SMARCC1: variants seen among roughly 807,000 people sequenced by gnomAD.
The protein encoded by SMARCC1 is SWI/SNF complex subunit SMARCC1.
Under a neutral mutation model 147.4 loss-of-function variants are expected in SMARCC1, and 43 were observed. The ratio of observed to expected loss-of-function variants is 0.29; its 90% CI spans 0.23 to 0.38. SMARCC1 has a LOEUF of 0.38. Among genes scored for constraint, SMARCC1 ranks in the 10% least tolerant of loss-of-function variants. The pLI, the probability that SMARCC1 is intolerant of heterozygous loss-of-function variation, is 1.00. For synonymous variants in SMARCC1, 495 were observed against 484.4 expected (o/e 1.02, Z -0.29); for missense variants, 1,119 against 1,381.1 (o/e 0.81, Z 3.01).
intron 1 of SMARCC1, among the ~76,000 whole-genome samples, chr3:47,778,998 G>GT (rs1264466455): frequency 7.6e-6 from 1 of 131,178 alleles, no homozygotes; most frequent in African/African-American, 2.9e-5. Context: ...AAAAAAAAAA[G>GT]AAAATTCCTA....
intron 3 of SMARCC1, among the ~76,000 whole-genome samples, chr3:47,740,089 C>T (rs1355809480): frequency 1.3e-5 from 2 of 148,490 alleles, no homozygotes; most frequent in East Asian, 2.0e-4. Context: ...AGGCTGGACT[C>T]GAACTCCTGA....
intron 15 of SMARCC1, chr3:47,680,130 G>A (rs1031637732): frequency 1.6e-4 from 39 of 250,176 alleles, no homozygotes; most frequent in African/African-American, 9.1e-4. Context: ...GCAGAGATGG[G>A]AGGATCCTTT....
rs775759680 is a variant in SMARCC1, at chr3:47,671,173, C to CAAAAAAAAAAA, written c.1840-467_1840-457dup. Among the ~76,000 whole-genome samples the CAAAAAAAAAAA allele has an allele frequency of 5.1e-3, 148 of 29,230 alleles. 32 individuals carry two copies. Among genetic ancestry groups the CAAAAAAAAAAA allele is most frequent in the Non-Finnish European group, 6.2e-3 (112 of 18,016 alleles). The allele number at this position is 29,230 out of a possible 152,430, so 19.2% of individuals were successfully genotyped here. A position where few individuals can be genotyped will look rare whatever the true frequency, so the allele number is the denominator to read the frequency against. On this transcript the variant is annotated intron_variant, in intron 18 of 27. Transcript: ENST00000254480. Reference sequence around the variant, plus strand: ...CCTGGGCAACAGAGCGAGACTATCTCAAAAAAAAAAAAAAAAAAAAAAAAA... The same window carrying CAAAAAAAAAAA: ...CCTGGGCAACAGAGCGAGACTATCTCAAAAAAAAAAAAAAAAAAAAAAAAAAAAAAAAAAAA...
intron 20 of SMARCC1, 81 bp from the exon 21 acceptor site, chr3:47,661,536 C>T: frequency 8.9e-7 from 1 of 1,127,578 alleles, no homozygotes; most frequent in East Asian, 2.3e-5. Flanking sequence ...CCAGGAAACC[C>T]AACACAGTAT....
At chr3:47,717,483 C>A (rs1020732119) in intron 7 of SMARCC1, among the ~76,000 whole-genome samples, 4 of 152,204 alleles carry the variant, frequency 2.6e-5, no homozygotes, top group Non-Finnish European at 5.9e-5. Flanking sequence ...CTAATCCCAA[C>A]AGGTAGATTT....
chr3:47,769,547 T>C (rs1437648287), intron 2 of SMARCC1, among the ~76,000 whole-genome samples: 1 of 151,958 alleles, frequency 6.6e-6, no homozygotes, highest in Non-Finnish European at 1.5e-5. Context: ...CTTTTATGTG[T>C]TGCCACCACT....
intron 24 of SMARCC1, 149 bp downstream of exon 24, chr3:47,635,041 C>T (rs2032949997): frequency 1.5e-6 from 1 of 668,490 alleles, no homozygotes; most frequent in Non-Finnish European, 2.6e-6. Context: ...CTCCTCCTGC[C>T]TGTGGATTTC....
In SMARCC1 at chr3:47,738,037, A is replaced by G. The variant is rs1472524099; in HGVS notation, c.475T>C (p.Leu159=). The G allele has an allele frequency of 1.7e-5, 27 of 1,596,378 alleles. No homozygotes were observed. The highest frequency in any genetic ancestry group is 2.0e-5 in the Non-Finnish European group (24 of 1,171,556). Residue 159 remains leucine (L), a synonymous_variant, in exon 4 of 28, where the codon TTG becomes CTG. Transcript: ENST00000254480. ...VEMFMNIEKT[L]VQNNCLTRPN... is the part of the protein sequence containing the mutation. ...CTAAGTTTCCAAGTTACCTGCACCA[A>G]TGTTTTTTCAATGTTCATAAACATT...
chr3:47,632,591 C>T (rs993248357), intron 24 of SMARCC1, among the ~76,000 whole-genome samples: 2 of 152,094 alleles, frequency 1.3e-5, no homozygotes, highest in Non-Finnish European at 2.9e-5. Flanking sequence ...GTGGGCAAAT[C>T]TCTTGAGCCC....
intron 24 of SMARCC1, among the ~76,000 whole-genome samples, chr3:47,630,809 T>C (rs1342583200): frequency 6.6e-6 from 1 of 152,132 alleles, no homozygotes; most frequent in Non-Finnish European, 1.5e-5. Flanking sequence ...ACACCGGTAA[T>C]CCCAGGACAT....
At chr3:47,596,576 A>T (rs7647449) in intron 26 of SMARCC1, among the ~76,000 whole-genome samples, 2,563 of 151,630 alleles carry the variant, frequency 0.017, 37 homozygotes, top group African/African-American at 0.044. Flanking sequence ...CAAAAAAAAA[A>T]AAATAAATAA....
At chr3:47,690,233 C>A (rs192518804) in intron 12 of SMARCC1, among the ~76,000 whole-genome samples, 1 of 152,028 alleles carries the variant, frequency 6.6e-6, no homozygotes, top group African/African-American at 2.4e-5. Context: ...TGGGTGCAGT[C>A]GCTCACACCT....
Position 47,597,947 on chromosome 3 carries a change from T to C in SMARCC1, c.3044-7110A>G, listed in dbSNP as rs575537627. 8.5e-5 allele frequency among the ~76,000 whole-genome samples: 13 copies of C among 152,310 alleles called. No individual in the cohort carries two copies. The East Asian group carries it at 2.5e-3, about 29-fold the overall frequency. ...AACAGATGTAGGCTGGGCAGCCATA[T>C]AGTGAAATACAGAGGTATCGGTGAA... is the stretch of plus-strand genomic sequence containing the variant. On this transcript the variant is annotated intron_variant, in intron 26 of 27. Transcript: ENST00000254480.
At position 47,779,039 on chromosome 3, in the gene SMARCC1, A is replaced by C. The variant is rs60292926; in HGVS notation, c.195+2564T>G. Among the ~76,000 whole-genome samples the C allele has an allele frequency of 2.0e-3, 301 of 150,974 alleles. 1 individual carries two copies. Among genetic ancestry groups the C allele is most frequent in the African/African-American group, 7.0e-3 (288 of 41,132 alleles). The stretch of plus-strand genomic sequence containing the variant: ...AGTCTCAGGTATCTTCCATTTGAAA[A>C]AGAAGGTAAATAATATCTATCATTT... On this transcript the variant is annotated intron_variant, in intron 1 of 27. Coordinates refer to ENST00000254480, the MANE Select transcript of SMARCC1 (RefSeq NM_003074.4).
rs532200868 is a variant in SMARCC1 at position 47,745,969 on chromosome 3, C to T, written c.340G>A (p.Ala114Thr). 1.8e-4 allele frequency: 291 copies of T among 1,583,842 alleles called. 5 individuals carry two copies. In the South Asian group the frequency reaches 3.4e-3, roughly 18 times the overall value. ...AGAATGTGACATAAGGCGCCTCCAG[C>T]TTTGAAATCCATGAAACACTTTGCC... ...LPAKCFMDFK[A>T]GGALCHILGA... Residue 114 changes from alanine (A) to threonine (T), a missense_variant, in exon 3 of 28, where the codon GCT (alanine) becomes ACT (threonine). Around this residue, in one of 6 missense-constraint regions of SMARCC1, gnomAD observed 542 missense variants for 611.8 expected, o/e 0.89. Transcript: ENST00000254480.
chr3:47,635,796 T>TA (rs1350145580), intron 23 of SMARCC1, among the ~76,000 whole-genome samples: 1 of 152,224 alleles, frequency 6.6e-6, no homozygotes, highest in Non-Finnish European at 1.5e-5. Flanking sequence ...GTGACTTCAA[T>TA]ACTGTTGAAT....
chr3:47,600,353 A>C lies in SMARCC1; in HGVS notation c.3044-9516T>G, dbSNP rs2032363525. ...TCTGTCAGATGCTAAGCAACTCAGC[A>C]CTGGTGTACCTGGGGCAGTGGGTTT... On this transcript the variant is annotated intron_variant, in intron 26 of 27. Coordinates refer to ENST00000254480, the MANE Select transcript of SMARCC1 (RefSeq NM_003074.4). 3.3e-5 allele frequency among the ~76,000 whole-genome samples: 5 copies of C among 152,200 alleles called. No individual in the cohort carries two copies. In the South Asian group the frequency reaches 1.0e-3, roughly 31 times the overall value.
At chr3:47,731,855 T>C (rs1411621113) in intron 5 of SMARCC1, among the ~76,000 whole-genome samples, 3 of 152,210 alleles carry the variant, frequency 2.0e-5, no homozygotes, top group Admixed American at 2.0e-4. Context: ...AAAATAGATG[T>C]ACAATAATCT....
At chr3:47,650,087 T>C (rs1252763606) in intron 21 of SMARCC1, among the ~76,000 whole-genome samples, 1 of 151,448 alleles carries the variant, frequency 6.6e-6, no homozygotes, top group Non-Finnish European at 1.5e-5. Context: ...TCATCCTGGC[T>C]AACACGGTGA....
Sources: allele counts gnomAD v4.1 joint callset (sites outside exome capture counted in the v4.1 genomes callset), GRCh38; gene constraint gnomAD v4.1.1; regional missense constraint gnomAD v4.1.1; transcripts MANE v1.5; gene names NCBI Gene and HGNC (gene_info 2026-07-23, HGNC 2026-07-21).